AMMECR1: variants seen among roughly 807,000 people sequenced by gnomAD.
The protein encoded by AMMECR1 is nuclear protein AMMECR1.
In AMMECR1, 3 loss-of-function variants were observed where a neutral mutation model predicts 22.5. The observed-to-expected ratio is 0.13, with a 90% CI of 0.06 to 0.35. The LOEUF (loss-of-function observed/expected upper bound fraction) is 0.35, where lower values mean the gene tolerates loss of function less well. AMMECR1 is among the 10% of genes least tolerant of loss of function. The probability of loss-of-function intolerance (pLI) is 1.00; values close to 1 mark genes in which losing one functional copy is unlikely to be tolerated. For missense variants in AMMECR1, 235 were observed against 278.7 expected (o/e 0.84, Z 1.12); for synonymous variants, 130 against 116.7 (o/e 1.11, Z -0.74).
At chrX:110,360,492 G>C (rs1457021828) in intron 2 of AMMECR1, among the ~76,000 whole-genome samples, 2 of 111,592 alleles carry the variant, frequency 1.8e-5, no homozygotes, top group Non-Finnish European at 3.8e-5. Context: ...TAGTAATAGA[G>C]ACAGAGAATG....
At chrX:110,434,488 G>T (rs1028123138) in intron 1 of AMMECR1, among the ~76,000 whole-genome samples, 44 of 111,450 alleles carry the variant, frequency 3.9e-4, no homozygotes, top group African/African-American at 1.2e-3. Context: ...GAGAGGAGGG[G>T]ATGACTCAAG....
intron 3 of AMMECR1, among the ~76,000 whole-genome samples, chrX:110,215,084 T>C (rs1330445304): frequency 8.9e-6 from 1 of 112,283 alleles, no homozygotes; most frequent in East Asian, 2.8e-4. Flanking sequence ...TAGCAAATAA[T>C]AAATCAGAAA....
intron 2 of AMMECR1, among the ~76,000 whole-genome samples, chrX:110,256,961 T>C (rs769228340): frequency 8.9e-6 from 1 of 111,767 alleles, no homozygotes; most frequent in East Asian, 2.8e-4. Context: ...TCACCTTTAG[T>C]TACATCAAAG....
At chrX:110,279,435 G>C (rs1271128639) in intron 1 of AMMECR1, among the ~76,000 whole-genome samples, 2 of 112,384 alleles carry the variant, frequency 1.8e-5, no homozygotes, top group East Asian at 5.6e-4. Context: ...ACTTAAAATA[G>C]TTTTCATATT....
intron 2 of AMMECR1, among the ~76,000 whole-genome samples, chrX:110,387,410 C>T (rs1266203845): frequency 8.9e-6 from 1 of 112,280 alleles, no homozygotes; most frequent in Admixed American, 9.4e-5. Context: ...TCCAGTTTCT[C>T]TAGAAAAATC....
chrX:110,349,557 G>A (rs968617042), intron 2 of AMMECR1, among the ~76,000 whole-genome samples: 1 of 111,767 alleles, frequency 8.9e-6, no homozygotes, highest in South Asian at 3.8e-4. Flanking sequence ...AAAAGCAGTT[G>A]GGCAGGAATT....
At chrX:110,297,921 C>A (rs2067945971) in intron 1 of AMMECR1, among the ~76,000 whole-genome samples, 1 of 111,593 alleles carries the variant, frequency 9.0e-6, no homozygotes. Flanking sequence ...AAAATATGAT[C>A]AGCTTTGATT....
At chrX:110,339,418 A>C (rs868616059) in intron 2 of AMMECR1, among the ~76,000 whole-genome samples, 23 of 106,793 alleles carry the variant, frequency 2.2e-4, no homozygotes, top group South Asian at 3.9e-4. Flanking sequence ...AAAAAAAAAA[A>C]AAAAAAACAA....
At chrX:110,285,434 T>C (rs140913522) in intron 1 of AMMECR1, among the ~76,000 whole-genome samples, 56 of 112,031 alleles carry the variant, frequency 5.0e-4, no homozygotes, top group Non-Finnish European at 8.8e-4. Context: ...ACCAAGAGTA[T>C]AGAAATACTT....
Position 110,198,402 on chromosome X carries a change from C to T in AMMECR1, c.*118G>A. On this transcript the variant is annotated 3_prime_UTR_variant, in exon 6 of 6. Transcript: ENST00000262844. ...TGACGATGTCGAAGCTTCACCATGG[C>T]AACGGAAACTATCATCATAAAATGG... 2 of 364,708 alleles carry T rather than the reference C, an allele frequency of 5.5e-6. No homozygotes were observed. The highest frequency in any genetic ancestry group is 8.7e-5 in the East Asian group (2 of 22,911). 30.1% of individuals were successfully genotyped at this position (364,708 alleles called of 1,213,427 possible). A position where few individuals can be genotyped will look rare whatever the true frequency, so the allele number is the denominator to read the frequency against.
chrX:110,346,964 C>G, intron 2 of AMMECR1: 1 of 507,732 alleles, frequency 2.0e-6, no homozygotes, highest in Admixed American at 2.8e-5. Flanking sequence ...GGCCGTGGGT[C>G]GGCGGGGCCG....
chrX:110,405,088 T>TTCCCCC (rs2068590131), intron 2 of AMMECR1, among the ~76,000 whole-genome samples: 1 of 74,087 alleles, frequency 1.3e-5, no homozygotes, highest in Non-Finnish European at 2.7e-5. Context: ...GCTTGTTGTG[T>TTCCCCC]CCCCCCCCCC....
chrX:110,429,018 G>C (rs376251479), intron 1 of AMMECR1, among the ~76,000 whole-genome samples: 10 of 111,616 alleles, frequency 9.0e-5, no homozygotes, highest in African/African-American at 3.3e-4. Flanking sequence ...CACGGCTTTT[G>C]TCAGGCTGTT....
intron 2 of AMMECR1, among the ~76,000 whole-genome samples, chrX:110,362,636 C>G (rs1046686808): frequency 3.6e-5 from 4 of 111,750 alleles, no homozygotes; most frequent in African/African-American, 1.3e-4. Context: ...TCATGTACTC[C>G]TAATGGTAAG....
At chrX:110,408,858 C>G (rs1051359321) in intron 2 of AMMECR1, among the ~76,000 whole-genome samples, 1 of 112,532 alleles carries the variant, frequency 8.9e-6, no homozygotes, top group African/African-American at 3.2e-5. Context: ...GCTTTATTTT[C>G]TCTTTATGTG....
intron 2 of AMMECR1, among the ~76,000 whole-genome samples, chrX:110,361,507 C>G (rs2068263343): frequency 9.0e-6 from 1 of 111,236 alleles, no homozygotes; most frequent in South Asian, 3.8e-4. Context: ...GCTCAAAACT[C>G]CTCCAATGGC....
chrX:110,256,861 C>T (rs192012144), intron 2 of AMMECR1, among the ~76,000 whole-genome samples: 101 of 111,448 alleles, frequency 9.1e-4, no homozygotes, highest in African/African-American at 3.0e-3. Context: ...AATTGCTACA[C>T]CAAAACCTCA....
chrX:110,211,299 C>T (rs905548108), intron 3 of AMMECR1, among the ~76,000 whole-genome samples: 5 of 112,285 alleles, frequency 4.5e-5, no homozygotes, highest in African/African-American at 1.3e-4. Flanking sequence ...ACTTGCTATA[C>T]GAATTCTTCT....
intron 2 of AMMECR1, among the ~76,000 whole-genome samples, chrX:110,361,269 A>C (rs2068261811): frequency 9.0e-6 from 1 of 111,190 alleles, no homozygotes; most frequent in Non-Finnish European, 1.9e-5. Flanking sequence ...TGATCAGCAA[A>C]TCTTATTGGT....
Sources: gnomAD v4.1 joint callset for allele counts (sites outside exome capture counted in the v4.1 genomes callset) on GRCh38, gnomAD v4.1.1 for gene constraint, MANE v1.5 for transcripts, NCBI Gene and HGNC (gene_info 2026-07-23, HGNC 2026-07-21) for gene names.